The following TTC13 variants were observed in gnomAD, a reference collection of about 807,000 sequenced individuals.
TTC13 encodes tetratricopeptide repeat domain 13.
Under a neutral mutation model 120.0 loss-of-function variants are expected in TTC13, and 62 were observed. The ratio of observed to expected loss-of-function variants is 0.52; its 90% CI spans 0.42 to 0.64. TTC13 has a LOEUF of 0.64. Ranked by LOEUF, TTC13 falls within the 30% of genes least tolerant of loss-of-function variation. The pLI is 0.00. For missense variants in TTC13, 824 were observed against 1,050.2 expected (o/e 0.78, Z 2.98); for synonymous variants, 384 against 393.5 (o/e 0.98, Z 0.28).
At position 230,978,488 on chromosome 1, in the gene TTC13, C is replaced by T; in HGVS notation, c.271+72G>A. Reference sequence around the variant, plus strand: ...AGGCGTGAGGCCCGGGCGACCCGTACCCCGGCCCGGGACCCCAGCCCCGCT... The same window carrying T: ...AGGCGTGAGGCCCGGGCGACCCGTATCCCGGCCCGGGACCCCAGCCCCGCT... On this transcript the variant is annotated intron_variant, in intron 1 of 22. Transcript: ENST00000366661. This position sits in a 1 kb window ranked among gnomAD's most constrained non-coding sequence, Gnocchi z 5.6. 2.3e-6 allele frequency: 1 copy of T among 430,378 alleles called. No individual in the cohort carries two copies. Among genetic ancestry groups the T allele is most frequent in the Non-Finnish European group, 3.7e-6 (1 of 267,962 alleles). 26.7% of individuals were successfully genotyped at this position (430,378 alleles called of 1,614,324 possible). A position where few individuals can be genotyped will look rare whatever the true frequency, so the allele number is the denominator to read the frequency against.
intron 4 of TTC13, among the ~76,000 whole-genome samples, chr1:230,946,474 C>A (rs1402662697): frequency 9.2e-5 from 14 of 152,196 alleles, no homozygotes; most frequent in Admixed American, 8.5e-4. Context: ...CTAAAGGCTA[C>A]TCAAATAGAA....
At chr1:230,964,213 T>C (rs1348760942) in intron 1 of TTC13, among the ~76,000 whole-genome samples, 1 of 152,248 alleles carries the variant, frequency 6.6e-6, no homozygotes, top group East Asian at 1.9e-4. Flanking sequence ...CCTACTTTTT[T>C]CTTAATACGA....
At position 230,929,096 on chromosome 1, in the gene TTC13, G is replaced by A. The variant is rs1354910722; in HGVS notation, c.1301-3C>T. The A allele has an allele frequency of 6.2e-7, 1 of 1,612,734 alleles. No individual in the cohort carries two copies. The highest frequency in any genetic ancestry group is 1.1e-5 in the South Asian group (1 of 90,772). ...TGCATGAAGATATCGAGAATACTCT[G>A]CAGAAAGGAAATGAGATCTGACACA... On this transcript the variant is annotated splice_region_variant and splice_polypyrimidine_tract_variant and intron_variant, in intron 11 of 22. Transcript: ENST00000366661.
chr1:230,963,975 A>G (rs887587487), intron 1 of TTC13, among the ~76,000 whole-genome samples: 4 of 152,158 alleles, frequency 2.6e-5, no homozygotes, highest in Non-Finnish European at 4.4e-5. Context: ...TCAATGAAAG[A>G]TATTTTGGAA....
intron 8 of TTC13, among the ~76,000 whole-genome samples, chr1:230,937,208 T>C (rs1359796438): frequency 6.6e-6 from 1 of 152,256 alleles, no homozygotes; most frequent in East Asian, 1.9e-4. Context: ...GTTTCTCTTT[T>C]CTGAAAAATT....
intron 1 of TTC13, among the ~76,000 whole-genome samples, chr1:230,973,654 A>G (rs72764542): frequency 6.6e-6 from 1 of 152,346 alleles, no homozygotes; most frequent in South Asian, 2.1e-4. Flanking sequence ...GGAGAAAACA[A>G]AAGTATTTTT....
chr1:230,977,088 G>C (rs1256546075), intron 1 of TTC13, among the ~76,000 whole-genome samples: 5 of 152,196 alleles, frequency 3.3e-5, no homozygotes, highest in Non-Finnish European at 7.3e-5. Flanking sequence ...TCCTTTGGCA[G>C]CTGTGGGATC....
intron 1 of TTC13, among the ~76,000 whole-genome samples, chr1:230,974,727 A>G (rs1041250649): frequency 2.6e-5 from 4 of 152,238 alleles, no homozygotes; most frequent in Non-Finnish European, 4.4e-5. Flanking sequence ...CTAGGAACTC[A>G]GTCAGCTGTG....
intron 18 of TTC13, among the ~76,000 whole-genome samples, chr1:230,914,795 T>C (rs1671860516): frequency 6.6e-6 from 1 of 152,104 alleles, no homozygotes. Context: ...GCTGTTTATG[T>C]TTTTGGTAAG....
chr1:230,923,820 A>T (rs780194303), intron 15 of TTC13, 21 bp downstream of exon 15: 1 of 1,593,396 alleles, frequency 6.3e-7, no homozygotes, highest in South Asian at 1.1e-5. Flanking sequence ...AAAAGAAGAA[A>T]GATGCACAAA....
chr1:230,956,231 C>T (rs1387540672), intron 3 of TTC13, among the ~76,000 whole-genome samples: 2 of 152,232 alleles, frequency 1.3e-5, no homozygotes, highest in South Asian at 2.1e-4. Flanking sequence ...CCAGGCAGCC[C>T]GGTACGCTGA....
chr1:230,916,049 G>C, intron 18 of TTC13, 144 bp downstream of exon 18: 1 of 662,980 alleles, frequency 1.5e-6, no homozygotes, highest in Non-Finnish European at 2.7e-6. Context: ...TAAATAACTG[G>C]TTATAACTGC....
At chr1:230,915,457 T>C (rs1004403280) in intron 18 of TTC13, among the ~76,000 whole-genome samples, 1 of 152,066 alleles carries the variant, frequency 6.6e-6, no homozygotes, top group Non-Finnish European at 1.5e-5. Flanking sequence ...TAAATAAAAC[T>C]AGAGTTAATA....
intron 15 of TTC13, among the ~76,000 whole-genome samples, chr1:230,921,954 C>G (rs370122717): frequency 5.3e-5 from 8 of 152,192 alleles, no homozygotes; most frequent in African/African-American, 1.7e-4. Flanking sequence ...ACATTTCTAT[C>G]CCTTCTGATC....
chr1:230,957,403 C>T (rs949663888), intron 3 of TTC13, among the ~76,000 whole-genome samples: 1 of 152,326 alleles, frequency 6.6e-6, no homozygotes, highest in South Asian at 2.1e-4. Flanking sequence ...TGCCACTGCA[C>T]TCCAGCCTGG....
chr1:230,948,400 C>CA (rs57051929), intron 4 of TTC13, among the ~76,000 whole-genome samples: 6,238 of 96,544 alleles, frequency 0.065, 364 homozygotes, highest in African/African-American at 0.16. Flanking sequence ...ACTCACAATA[C>CA]AAAAAAAAAA....
At chr1:230,935,722 CT>C (rs1333240756) in intron 8 of TTC13, among the ~76,000 whole-genome samples, 1 of 152,064 alleles carries the variant, frequency 6.6e-6, no homozygotes, top group Non-Finnish European at 1.5e-5. Context: ...AGGAAATGTA[CT>C]TTTTAGAGAT....
chr1:230,956,350 T>C lies in TTC13; in HGVS notation c.442+1874A>G, dbSNP rs41309635. On this transcript the variant is annotated intron_variant, in intron 3 of 22. Coordinates refer to ENST00000366661, the MANE Select transcript of TTC13 (RefSeq NM_024525.5). ...GATAAAAACATAAACTTGTACTTTT[T>C]TGAATGCAGGAAGATGACGATTTGA... The C allele has an allele frequency of 4.2e-3, 872 of 207,764 alleles. 3 individuals carry two copies. Among genetic ancestry groups the C allele is most frequent in the Non-Finnish European group, 7.0e-3 (705 of 100,284 alleles). 12.9% of individuals were successfully genotyped at this position (207,764 alleles called of 1,614,324 possible). A position where few individuals can be genotyped will look rare whatever the true frequency, so the allele number is the denominator to read the frequency against.
At chr1:230,950,035 T>C (rs1298136535) in intron 4 of TTC13, among the ~76,000 whole-genome samples, 1 of 152,226 alleles carries the variant, frequency 6.6e-6, no homozygotes, top group African/African-American at 2.4e-5. Flanking sequence ...AGTCTAGTAT[T>C]AAGCCTTCCT....
Sources: allele counts gnomAD v4.1 joint callset (sites outside exome capture counted in the v4.1 genomes callset), GRCh38; gene constraint gnomAD v4.1.1; non-coding constraint Gnocchi (gnomAD v3.1); transcripts MANE v1.5; gene names NCBI Gene and HGNC (gene_info 2026-07-23, HGNC 2026-07-21).